Variants in SRGAP3 observed in about 807,000 individuals in gnomAD.
SRGAP3 encodes the protein SLIT-ROBO Rho GTPase activating protein 3.
Under a neutral mutation model 121.1 loss-of-function variants are expected in SRGAP3, and 39 were observed. That is an observed-to-expected ratio of 0.32 (90% CI 0.25 to 0.42). SRGAP3 has a LOEUF of 0.42. SRGAP3 is among the 10% of genes least tolerant of loss of function. The probability of loss-of-function intolerance (pLI) is 1.00; values close to 1 mark genes in which losing one functional copy is unlikely to be tolerated. For synonymous variants in SRGAP3, 601 were observed against 570.0 expected (o/e 1.05, Z -0.77); for missense variants, 1,213 against 1,470.6 (o/e 0.82, Z 2.86).
intron 1 of SRGAP3, among the ~76,000 whole-genome samples, chr3:9,345,260 G>T (rs1449852150): frequency 6.6e-6 from 1 of 152,130 alleles, no homozygotes; most frequent in Non-Finnish European, 1.5e-5. Context: ...GGAGGCCCAG[G>T]CAGGAAAATT....
chr3:9,105,705 T>C (rs1948397734), intron 2 of SRGAP3, among the ~76,000 whole-genome samples: 1 of 152,164 alleles, frequency 6.6e-6, no homozygotes, highest in Admixed American at 6.5e-5. Context: ...CTTATACTAT[T>C]GTTTCCCAAA....
chr3:9,055,698 T>C (rs909370131), intron 8 of SRGAP3, among the ~76,000 whole-genome samples: 4 of 152,312 alleles, frequency 2.6e-5, no homozygotes, highest in East Asian at 3.9e-4. Flanking sequence ...CAGAAATTCA[T>C]TGCAGAAAAT....
rs182236903 is a variant in SRGAP3, at chr3:9,083,627, G to T, written c.424-3540C>A. Among the ~76,000 whole-genome samples the T allele has an allele frequency of 7.2e-5, 11 of 152,304 alleles. No individual in the cohort carries two copies. In the East Asian group the frequency reaches 2.1e-3, roughly 29 times the overall value. On this transcript the variant is annotated intron_variant, in intron 3 of 21. Coordinates refer to ENST00000383836, the MANE Select transcript of SRGAP3 (RefSeq NM_014850.4). ...TAATTAATTTAGCCAGCTCCTTAGG[G>T]ATGGATATTTACATTGCCTCCAGCA...
At chr3:9,034,613 A>ACACAGC (rs1161061367) in intron 11 of SRGAP3, 3 of 152,246 alleles carry the variant, frequency 2.0e-5, no homozygotes, top group African/African-American at 4.8e-5. Flanking sequence ...AAACAAAATA[A>ACACAGC]CAGCACAGAT....
intron 1 of SRGAP3, among the ~76,000 whole-genome samples, chr3:9,148,228 C>T (rs978293612): frequency 2.9e-5 from 4 of 137,742 alleles, no homozygotes; most frequent in African/African-American, 8.6e-5. Flanking sequence ...CCAGAAACGC[C>T]GGCTTTTATT....
intron 6 of SRGAP3, chr3:9,058,781 A>G (rs899946765): frequency 3.0e-5 from 10 of 332,998 alleles, no homozygotes; most frequent in Admixed American, 5.0e-5. Flanking sequence ...GTGCAGTGGC[A>G]CGATCTCGGC....
At chr3:9,038,523 T>A (rs577614350) in intron 10 of SRGAP3, among the ~76,000 whole-genome samples, 1 of 152,250 alleles carries the variant, frequency 6.6e-6, no homozygotes, top group Non-Finnish European at 1.5e-5. Context: ...TCCTGCAATG[T>A]TTAATGGCAA....
chr3:9,289,250 A>C (rs991032988), intron 3 of SRGAP3, among the ~76,000 whole-genome samples: 1 of 152,122 alleles, frequency 6.6e-6, no homozygotes, highest in Non-Finnish European at 1.5e-5. Context: ...GATTTCTTTT[A>C]ACATATTCGA....
At chr3:9,326,972 C>G (rs1351554298) in intron 2 of SRGAP3, among the ~76,000 whole-genome samples, 1 of 151,732 alleles carries the variant, frequency 6.6e-6, no homozygotes, top group Non-Finnish European at 1.5e-5. Context: ...TCCTTTCTTT[C>G]CCTTCCCCGC....
chr3:9,123,399 T>C (rs1209393499), intron 2 of SRGAP3, among the ~76,000 whole-genome samples: 4 of 117,396 alleles, frequency 3.4e-5, no homozygotes, highest in African/African-American at 1.4e-4. Context: ...ACATACACAA[T>C]ACACATACAT....
At chr3:9,211,906 C>T (rs62244895) in intron 1 of SRGAP3, among the ~76,000 whole-genome samples, 4,591 of 152,046 alleles carry the variant, frequency 0.03, 99 homozygotes, top group Middle Eastern at 0.075. Context: ...AAACTCCTGG[C>T]CTCAAGTGAT....
rs117200323 is a variant in SRGAP3 at position 9,233,297 on chromosome 3, G to C, written c.67+15588C>G. The stretch of plus-strand genomic sequence containing the variant: ...ATGAGCCGTGATTGAACCCCGGTCT[G>C]GGTGACTCCACCCAGGGCATCACAG... On this transcript the variant is annotated intron_variant, in intron 1 of 21. Coordinates refer to ENST00000383836, the MANE Select transcript of SRGAP3 (RefSeq NM_014850.4). 1.6e-3 allele frequency among the ~76,000 whole-genome samples: 240 copies of C among 152,282 alleles called. 2 individuals are homozygous for C. The East Asian group carries it at 0.023, about 15-fold the overall frequency.
chr3:9,301,906 T>A (rs1366797732), intron 3 of SRGAP3, among the ~76,000 whole-genome samples: 1 of 152,222 alleles, frequency 6.6e-6, no homozygotes, highest in African/African-American at 2.4e-5. Context: ...TAACTGCCAA[T>A]AAACGGCAGT....
chr3:9,227,611 T>C lies in SRGAP3; in HGVS notation c.67+21274A>G, dbSNP rs555171486. Reference sequence around the variant, plus strand: ...AATGCAGAGTCCTTGGACCACACTGTTTGGGCAGAATTACTTCTTGTGAAT... The same window carrying C: ...AATGCAGAGTCCTTGGACCACACTGCTTGGGCAGAATTACTTCTTGTGAAT... On this transcript the variant is annotated intron_variant, in intron 1 of 21. Transcript: ENST00000383836. 3.3e-5 allele frequency among the ~76,000 whole-genome samples: 5 copies of C among 152,364 alleles called. 1 individual carries two copies. Among genetic ancestry groups the C allele is most frequent in the African/African-American group, 1.2e-4 (5 of 41,592 alleles).
chr3:9,086,314 C>T (rs886536674), intron 3 of SRGAP3, among the ~76,000 whole-genome samples: 1 of 151,936 alleles, frequency 6.6e-6, no homozygotes, highest in Non-Finnish European at 1.5e-5. Context: ...TGACCTGAGC[C>T]CAGGATTCGA....
At chr3:9,305,866 A>G (rs1490286768) in intron 3 of SRGAP3, among the ~76,000 whole-genome samples, 1 of 152,162 alleles carries the variant, frequency 6.6e-6, no homozygotes, top group African/African-American at 2.4e-5. Flanking sequence ...GCCGCAATAA[A>G]CATACGTGTG....
chr3:9,227,917 A>G (rs1442751310), intron 1 of SRGAP3, among the ~76,000 whole-genome samples: 1 of 152,182 alleles, frequency 6.6e-6, no homozygotes, highest in Non-Finnish European at 1.5e-5. Context: ...ACTGGAAGTA[A>G]TGACAGGGAG....
rs535543608 is a variant in SRGAP3, at chr3:9,343,413, A to G, written n.215-12817T>C. Among the ~76,000 whole-genome samples, 18 of 152,282 alleles carry G rather than the reference A, an allele frequency of 1.2e-4. No individual in the cohort carries two copies. The South Asian group carries it at 3.5e-3, about 30-fold the overall frequency. On this transcript the variant is annotated intron_variant and non_coding_transcript_variant, in intron 1 of 3. Coordinates refer to the SRGAP3 transcript ENST00000490889. The stretch of plus-strand genomic sequence containing the variant: ...CATTGCCTTTTTCCCGAACTACTAC[A>G]ACAATCTCTCATCCAGTCTCTCTCA...
At chr3:9,319,904 G>A (rs1268773017) in intron 3 of SRGAP3, among the ~76,000 whole-genome samples, 3 of 151,914 alleles carry the variant, frequency 2.0e-5, no homozygotes, top group African/African-American at 7.2e-5. Flanking sequence ...AGAAAGCCCC[G>A]AGTCAAAAGC....
Sources: gnomAD v4.1 joint callset for allele counts (sites outside exome capture counted in the v4.1 genomes callset) on GRCh38, gnomAD v4.1.1 for gene constraint, MANE v1.5 for transcripts, NCBI Gene and HGNC (gene_info 2026-07-23, HGNC 2026-07-21) for gene names.